PDSS2: variants seen among roughly 807,000 people sequenced by gnomAD.
PDSS2 encodes the protein all trans-polyprenyl-diphosphate synthase PDSS2.
A neutral mutation model predicts 44.5 loss-of-function variants in PDSS2; 31 were observed. That is an observed-to-expected ratio of 0.70 (90% CI 0.52 to 0.94). PDSS2 has a LOEUF of 0.94. Among genes scored for constraint, PDSS2 ranks in the 40% least tolerant of loss-of-function variants. The probability of loss-of-function intolerance (pLI) is 0.00; values close to 1 mark genes in which losing one functional copy is unlikely to be tolerated. For missense variants in PDSS2, 452 were observed against 482.2 expected (o/e 0.94, Z 0.59); for synonymous variants, 157 against 180.3 (o/e 0.87, Z 1.03).
chr6:107,400,548 C>T (rs897158259), intron 1 of PDSS2, among the ~76,000 whole-genome samples: 4 of 152,178 alleles, frequency 2.6e-5, no homozygotes, highest in African/African-American at 7.2e-5. Flanking sequence ...CTGTTTGTGA[C>T]TTGGCTGGCT....
intron 1 of PDSS2, among the ~76,000 whole-genome samples, chr6:107,405,623 G>A (rs911293088): frequency 5.9e-5 from 9 of 151,906 alleles, no homozygotes; most frequent in Non-Finnish European, 8.8e-5. Context: ...CGAGGCGGGC[G>A]GATCACGAGG....
chr6:107,287,995 C>T (rs1333422490), intron 2 of PDSS2, among the ~76,000 whole-genome samples: 62 of 151,866 alleles, frequency 4.1e-4, no homozygotes, highest in Admixed American at 4.1e-3. Context: ...ATCCTGTCCT[C>T]TAAAGAACAA....
intron 3 of PDSS2, among the ~76,000 whole-genome samples, chr6:107,263,354 G>A (rs1775308936): frequency 6.6e-6 from 1 of 152,002 alleles, no homozygotes; most frequent in South Asian, 2.1e-4. Flanking sequence ...TCAGGAGGCT[G>A]AGGCAGAAGA....
At chr6:107,255,366 A>G (rs990292254) in intron 3 of PDSS2, among the ~76,000 whole-genome samples, 4 of 151,158 alleles carry the variant, frequency 2.6e-5, no homozygotes, top group African/African-American at 9.7e-5. Context: ...CTAATTTTGC[A>G]TTTTTAGTAG....
intron 1 of PDSS2, among the ~76,000 whole-genome samples, chr6:107,405,720 G>A (rs1422247620): frequency 4.0e-5 from 6 of 151,412 alleles, no homozygotes; most frequent in East Asian, 1.9e-4. Flanking sequence ...AGCGGCGGGC[G>A]CCTGTAGTCC....
At chr6:107,208,675 T>G (rs898569289) in intron 6 of PDSS2, among the ~76,000 whole-genome samples, 15 of 146,388 alleles carry the variant, frequency 1.0e-4, no homozygotes, top group Non-Finnish European at 1.6e-4. Flanking sequence ...AATGGCGCAA[T>G]CTCGCTCACT....
intron 1 of PDSS2, among the ~76,000 whole-genome samples, chr6:107,432,135 A>G (rs1168394608): frequency 1.3e-5 from 2 of 152,240 alleles, no homozygotes; most frequent in Non-Finnish European, 2.9e-5. Context: ...TGGTGGAAGA[A>G]GCAAACAGGT....
intron 6 of PDSS2, among the ~76,000 whole-genome samples, chr6:107,197,625 T>C (rs545206729): frequency 1.3e-5 from 2 of 152,268 alleles, no homozygotes; most frequent in South Asian, 4.1e-4. Context: ...CTGTGTTGAC[T>C]ATTTTTGAGA....
intron 1 of PDSS2, among the ~76,000 whole-genome samples, chr6:107,416,826 G>A (rs145592124): frequency 2.0e-5 from 3 of 151,842 alleles, no homozygotes; most frequent in African/African-American, 7.3e-5. Flanking sequence ...ACAGAACTGG[G>A]TATTTACCAC....
chr6:107,281,577 C>T (rs1316590115), intron 2 of PDSS2, among the ~76,000 whole-genome samples: 1 of 152,174 alleles, frequency 6.6e-6, no homozygotes, highest in African/African-American at 2.4e-5. Flanking sequence ...TATTTAACAT[C>T]GCTACTGAGG....
intron 4 of PDSS2, among the ~76,000 whole-genome samples, chr6:107,222,236 G>A (rs1259399008): frequency 6.6e-6 from 1 of 152,020 alleles, no homozygotes; most frequent in Non-Finnish European, 1.5e-5. Context: ...CCACATTTGG[G>A]AATCAGAAAA....
chr6:107,174,118 G>A (rs1554249275), intron 7 of PDSS2, among the ~76,000 whole-genome samples: 3 of 152,158 alleles, frequency 2.0e-5, no homozygotes. Flanking sequence ...GTCAAGAGGG[G>A]CACTGGCATG....
chr6:107,220,176 C>CT lies in PDSS2; in HGVS notation c.703-7895dup, dbSNP rs546193851. The stretch of plus-strand genomic sequence containing the variant: ...TGACTGTATCACTTGATAAAAGTTA[C>CT]TAAAAATCATTGAATCGTAGGCTTG... On this transcript the variant is annotated intron_variant, in intron 4 of 7. Transcript: ENST00000369037. Among the ~76,000 whole-genome samples, 13 of 151,998 alleles carry CT rather than the reference C, an allele frequency of 8.6e-5. 1 individual carries two copies. The highest frequency in any genetic ancestry group is 3.4e-3 in the Middle Eastern group (1 of 294).
intron 1 of PDSS2, among the ~76,000 whole-genome samples, chr6:107,386,600 A>C (rs1450473537): frequency 6.6e-6 from 1 of 152,206 alleles, no homozygotes; most frequent in East Asian, 1.9e-4. Context: ...TCACTAGTGC[A>C]ATCTCCTCAT....
intron 4 of PDSS2, among the ~76,000 whole-genome samples, chr6:107,217,676 T>C (rs1773458574): frequency 6.6e-6 from 1 of 152,080 alleles, no homozygotes; most frequent in African/African-American, 2.4e-5. Context: ...AAATTATAAG[T>C]GAATTTGCCC....
chr6:107,258,411 A>G (rs1775097490), intron 3 of PDSS2, among the ~76,000 whole-genome samples: 1 of 152,110 alleles, frequency 6.6e-6, no homozygotes, highest in Non-Finnish European at 1.5e-5. Flanking sequence ...GAATATTGGA[A>G]CCAGCAAGGA....
intron 1 of PDSS2, among the ~76,000 whole-genome samples, chr6:107,420,837 AC>A (rs953915680): frequency 4.0e-5 from 6 of 151,766 alleles, no homozygotes; most frequent in African/African-American, 1.5e-4. Flanking sequence ...AAAAAAAAAA[AC>A]CAGTAACTGG....
intron 7 of PDSS2, among the ~76,000 whole-genome samples, chr6:107,183,131 G>A (rs995060230): frequency 6.6e-6 from 1 of 151,274 alleles, no homozygotes; most frequent in Non-Finnish European, 1.5e-5. Context: ...AGGATCACTT[G>A]AGCCCGGGAG....
intron 4 of PDSS2, among the ~76,000 whole-genome samples, chr6:107,234,337 C>T (rs1774155117): frequency 6.6e-6 from 1 of 152,044 alleles, no homozygotes; most frequent in South Asian, 2.1e-4. Flanking sequence ...TCCCGGGTAG[C>T]TGGGACTATA....
Sources: allele counts gnomAD v4.1 joint callset (sites outside exome capture counted in the v4.1 genomes callset), GRCh38; gene constraint gnomAD v4.1.1; transcripts MANE v1.5; gene names NCBI Gene and HGNC (gene_info 2026-07-23, HGNC 2026-07-21).